Variants in AGAP1 observed in about 807,000 individuals in gnomAD.
The protein encoded by AGAP1 is ArfGAP with GTPase domain, ankyrin repeat and PH domain 1.
AGAP1 carries 29 observed loss-of-function variants against 105.3 expected under a neutral mutation model. The observed-to-expected ratio is 0.28, with a 90% confidence interval of 0.21 to 0.38. The LOEUF (loss-of-function observed/expected upper bound fraction) is 0.38, where lower values mean the gene tolerates loss of function less well. AGAP1 is among the 10% of genes least tolerant of loss of function. The pLI is 1.00. For synonymous variants in AGAP1, 509 were observed against 485.9 expected, an observed-to-expected ratio of 1.05 and a Z score of -0.63; for missense variants, 998 against 1,165.1, an observed-to-expected ratio of 0.86 and a Z score of 2.09.
At chr2:235,784,254 TGAG>T (rs1019633666) in intron 6 of AGAP1, among the ~76,000 whole-genome samples, 43 of 152,264 alleles carry the variant, frequency 2.8e-4, no homozygotes, top group Admixed American at 1.4e-3. Flanking sequence ...TACAGTATAA[TGAG>T]GAGCCACAAT....
At chr2:235,978,786 G>A (rs935562116) in intron 13 of AGAP1, among the ~76,000 whole-genome samples, 2 of 152,066 alleles carry the variant, frequency 1.3e-5, no homozygotes, top group African/African-American at 2.4e-5. Context: ...CCATGCCCAC[G>A]GCTCCCCACC....
rs1222873292 is a variant in AGAP1 at position 235,701,701 on chromosome 2, A to G, written c.164-7478A>G. On this transcript the variant is annotated intron_variant, in intron 1 of 17. Transcript: ENST00000304032. The surrounding 1 kb of genome is among the most constrained non-coding windows in gnomAD (Gnocchi z 4.1). ...GAACTTCTGCTAAGTCCTACATTTGAAAGTCATCAGCGGATTATGTCTGAT... is the reference window on the plus strand; with the variant it reads ...GAACTTCTGCTAAGTCCTACATTTGGAAGTCATCAGCGGATTATGTCTGAT... 1.3e-5 allele frequency among the ~76,000 whole-genome samples: 2 copies of G among 152,166 alleles called. No individual in the cohort carries two copies. Among genetic ancestry groups the G allele is most frequent in the Non-Finnish European group, 2.9e-5 (2 of 68,022 alleles).
In AGAP1 at chr2:235,703,422, C is replaced by A. The variant is rs185619968; in HGVS notation, c.164-5757C>A. On this transcript the variant is annotated intron_variant, in intron 1 of 17. Transcript: ENST00000304032. ...ATCAATTCCTGCTCTTTAATCCTAC[C>A]CCCAAAGGTAATAGGAGAGCTTCCT... 1.9e-3 allele frequency among the ~76,000 whole-genome samples: 289 copies of A among 152,108 alleles called. 3 individuals are homozygous for A. The highest frequency in any genetic ancestry group is 6.7e-3 in the African/African-American group (277 of 41,404).
rs1286447899 is a variant in AGAP1, at chr2:235,578,645, TGTG to T, written c.163+83803_163+83805del. Among the ~76,000 whole-genome samples the T allele has an allele frequency of 7.2e-5, 11 of 151,888 alleles. No individual in the cohort carries two copies. Among genetic ancestry groups the T allele is most frequent in the Non-Finnish European group, 1.5e-5 (1 of 67,976 alleles). ...TAAAAATACAAAAAAATTAGCTGGA[TGTG>T]GTGGTGTGCACCTGTAATCCCAGCT... On this transcript the variant is annotated intron_variant, in intron 1 of 17. Transcript: ENST00000304032. This position sits in a 1 kb window ranked among gnomAD's most constrained non-coding sequence, Gnocchi z 4.9.
At chr2:236,063,105 T>A (rs1288319811) in intron 16 of AGAP1, among the ~76,000 whole-genome samples, 1 of 151,960 alleles carries the variant, frequency 6.6e-6, no homozygotes, top group Non-Finnish European at 1.5e-5. Flanking sequence ...GGACTTTTAT[T>A]TTTTTTGAGC....
chr2:235,804,243 A>T lies in AGAP1; in HGVS notation c.958-2996A>T, dbSNP rs535790753. ...TCTAGTGTGAGTCTTGAAATTATAC[A>T]TTACATGGCCTTGTCCATTTTCAAG... On this transcript the variant is annotated intron_variant, in intron 8 of 17. Transcript: ENST00000304032. Among the ~76,000 whole-genome samples the T allele has an allele frequency of 2.7e-3, 408 of 152,270 alleles. 4 individuals carry two copies. Among genetic ancestry groups the T allele is most frequent in the African/African-American group, 9.2e-3 (381 of 41,542 alleles).
At position 235,792,053 on chromosome 2, in the gene AGAP1, T is replaced by G. The variant is rs2150013847; in HGVS notation, c.674-5706T>G. Among the ~76,000 whole-genome samples, 1 of 152,308 alleles carries G rather than the reference T, an allele frequency of 6.6e-6. No individual in the cohort carries two copies. The highest frequency in any genetic ancestry group is 1.5e-5 in the Non-Finnish European group (1 of 68,026). ...AATACGGTTTTATTGGAGGTGTGGT[T>G]CGTACTTTATAATCCCTACCTAACA... On this transcript the variant is annotated intron_variant, in intron 6 of 17. Transcript: ENST00000304032. The surrounding 1 kb of genome is among the most constrained non-coding windows in gnomAD (Gnocchi z 5.3).
chr2:235,593,565 A>ATATAC (rs1491141124), intron 1 of AGAP1, among the ~76,000 whole-genome samples: 1 of 152,132 alleles, frequency 6.6e-6, no homozygotes, highest in African/African-American at 2.4e-5. Context: ...TACAACTTAA[A>ATATAC]TATGTTTTCC....
In AGAP1 at chr2:235,568,505, C is replaced by T. The variant is rs567504547; in HGVS notation, c.163+73656C>T. The stretch of plus-strand genomic sequence containing the variant: ...ATGTGGCGGGCACCTGGCATGCATG[C>T]GTGGGATGGACATGGACTCGTGGCA... On this transcript the variant is annotated intron_variant, in intron 1 of 17. Transcript: ENST00000304032. Among the ~76,000 whole-genome samples, 10 of 152,250 alleles carry T rather than the reference C, an allele frequency of 6.6e-5. No homozygotes were observed. The East Asian group carries it at 9.6e-4, about 15-fold the overall frequency.
At chr2:235,606,933 A>G (rs1371780860) in intron 1 of AGAP1, among the ~76,000 whole-genome samples, 2 of 145,698 alleles carry the variant, frequency 1.4e-5, no homozygotes, top group Non-Finnish European at 3.0e-5. Flanking sequence ...GAGCAAAGCA[A>G]GACTGCCTCT....
intron 10 of AGAP1, among the ~76,000 whole-genome samples, chr2:235,895,699 TTGGA>T (rs113317282): frequency 0.055 from 6,578 of 118,982 alleles, 166 homozygotes; most frequent in African/African-American, 0.062. Flanking sequence ...CACTGGCTTG[TTGGA>T]TGGATGGATG....
In AGAP1 at chr2:235,803,201, A is replaced by AGTG. The variant is rs1387149372; in HGVS notation, c.957+3692_957+3694dup. On this transcript the variant is annotated intron_variant, in intron 8 of 17. Transcript: ENST00000304032. ...TGATGGTGATGATGGTTGTGGTGGTAGTGGTGGTGGTGGTGATGATGCATG... is the reference window on the plus strand; with the variant it reads ...TGATGGTGATGATGGTTGTGGTGGTAGTGGTGGTGGTGGTGGTGATGATGCATG... Among the ~76,000 whole-genome samples the AGTG allele has an allele frequency of 3.3e-5, 3 of 90,210 alleles. No individual in the cohort carries two copies. The East Asian group carries it at 8.0e-4, about 24-fold the overall frequency. The allele number at this position is 90,210 out of a possible 152,430, so 59.2% of individuals were successfully genotyped here. A position where few individuals can be genotyped will look rare whatever the true frequency, so the allele number is the denominator to read the frequency against.
intron 1 of AGAP1, among the ~76,000 whole-genome samples, chr2:235,707,744 C>T (rs115728228): frequency 0.029 from 4,232 of 147,602 alleles, 314 homozygotes; most frequent in African/African-American, 0.1. Flanking sequence ...GATGGTAGGA[C>T]GTGCTCCCCA....
At chr2:235,947,485 G>A (rs192056706) in intron 12 of AGAP1, among the ~76,000 whole-genome samples, 47 of 152,226 alleles carry the variant, frequency 3.1e-4, no homozygotes, top group African/African-American at 1.1e-3. Flanking sequence ...TTGATTGATG[G>A]GCATTTGGGC....
intron 1 of AGAP1, among the ~76,000 whole-genome samples, chr2:235,699,619 C>T (rs999482340): frequency 5.9e-5 from 9 of 152,208 alleles, no homozygotes; most frequent in African/African-American, 1.9e-4. Flanking sequence ...AAATTGCATT[C>T]CATGCCCAAA....
chr2:235,757,976 C>T (rs1954069956), intron 6 of AGAP1, among the ~76,000 whole-genome samples: 1 of 152,178 alleles, frequency 6.6e-6, no homozygotes, highest in African/African-American at 2.4e-5. Flanking sequence ...TTGCTCACAC[C>T]ACAGTCCTTG....
intron 3 of AGAP1, among the ~76,000 whole-genome samples, chr2:235,730,381 A>G (rs937376769): frequency 2.7e-5 from 4 of 150,374 alleles, no homozygotes; most frequent in African/African-American, 4.9e-5. Flanking sequence ...GTCTCAGGTC[A>G]TGGTGCTGTT....
rs569843224 is a variant in AGAP1 at position 235,792,055 on chromosome 2, G to A, written c.674-5704G>A. On this transcript the variant is annotated intron_variant, in intron 6 of 17. Transcript: ENST00000304032. The surrounding 1 kb of genome is among the most constrained non-coding windows in gnomAD (Gnocchi z 5.3). ...TACGGTTTTATTGGAGGTGTGGTTCGTACTTTATAATCCCTACCTAACAGT... is the reference window on the plus strand; with the variant it reads ...TACGGTTTTATTGGAGGTGTGGTTCATACTTTATAATCCCTACCTAACAGT... Among the ~76,000 whole-genome samples, 13 of 152,228 alleles carry A rather than the reference G, an allele frequency of 8.5e-5. No individual in the cohort carries two copies. The South Asian group carries it at 1.5e-3, about 17-fold the overall frequency.
chr2:235,979,342 G>A lies in AGAP1; in HGVS notation c.1645+10719G>A, dbSNP rs992116698. Among the ~76,000 whole-genome samples the A allele has an allele frequency of 3.9e-5, 6 of 152,150 alleles. No homozygotes were observed. The highest frequency in any genetic ancestry group is 1.3e-4 in the Admixed American group (2 of 15,280). On this transcript the variant is annotated intron_variant, in intron 13 of 17. Coordinates refer to ENST00000304032, the MANE Select transcript of AGAP1 (RefSeq NM_001037131.3). This position sits in a 1 kb window ranked among gnomAD's most constrained non-coding sequence, Gnocchi z 4.5. ...TGGTGATTGATTAAGCCCCCCTGTC[G>A]TTCATTTGAATCCTGCATCGCTGAT...
Sources: gnomAD v4.1 joint callset for allele counts (sites outside exome capture counted in the v4.1 genomes callset) on GRCh38, gnomAD v4.1.1 for gene constraint, Gnocchi (gnomAD v3.1) non-coding constraint, MANE v1.5 for transcripts, NCBI Gene and HGNC (gene_info 2026-07-23, HGNC 2026-07-21) for gene names.